The following LSM14A variants were observed in gnomAD, a reference collection of about 807,000 sequenced individuals.
LSM14A encodes the protein LSM14A mRNA processing body assembly factor, also known as protein LSM14 homolog A.
In LSM14A, 14 loss-of-function variants were observed where a neutral mutation model predicts 52.4. The ratio of observed to expected loss-of-function variants is 0.27; its 90% CI spans 0.18 to 0.42. LSM14A has a LOEUF of 0.42. LSM14A is among the 10% of genes least tolerant of loss of function. The pLI is 1.00. For missense variants in LSM14A, 417 were observed against 581.8 expected, an observed-to-expected ratio of 0.72 and a Z score of 2.91; for synonymous variants, 185 against 200.3, an observed-to-expected ratio of 0.92 and a Z score of 0.64.
At chr19:34,191,054 C>A (rs1429273408) in intron 1 of LSM14A, among the ~76,000 whole-genome samples, 1 of 152,122 alleles carries the variant, frequency 6.6e-6, no homozygotes, top group Admixed American at 6.5e-5. Context: ...CATCTTCTCT[C>A]TAACCTTTTT....
chr19:34,179,388 T>A (rs1215331904), intron 1 of LSM14A, among the ~76,000 whole-genome samples: 2 of 152,214 alleles, frequency 1.3e-5, no homozygotes, highest in African/African-American at 4.8e-5. Context: ...TTTATTTGAT[T>A]TCTTGCATTA....
At chr19:34,226,340 T>G in intron 9 of LSM14A, 5 of 1,432,812 alleles carry the variant, frequency 3.5e-6, no homozygotes, top group Non-Finnish European at 4.6e-6. Flanking sequence ...CCTTTCATTT[T>G]CTCCTTTCTC....
intron 1 of LSM14A, 119 bp downstream of exon 1, chr19:34,172,882 C>T: frequency 5.1e-6 from 6 of 1,183,394 alleles, no homozygotes; most frequent in Non-Finnish European, 6.8e-6. Flanking sequence ...CGGGAGGCCT[C>T]TCGCCTCCCT....
At chr19:34,192,301 A>G (rs188856741) in intron 1 of LSM14A, among the ~76,000 whole-genome samples, 197 of 122,730 alleles carry the variant, frequency 1.6e-3, no homozygotes, top group African/African-American at 5.8e-3. Flanking sequence ...TTTACACTGA[A>G]ATAACATTCT....
intron 1 of LSM14A, among the ~76,000 whole-genome samples, chr19:34,184,984 C>G (rs572801056): frequency 6.6e-6 from 1 of 152,156 alleles, no homozygotes; most frequent in Non-Finnish European, 1.5e-5. Flanking sequence ...AAGAGAGATC[C>G]TTTGTAAATG....
chr19:34,196,490 T>G (rs2070846528), intron 2 of LSM14A, 144 bp from the exon 3 acceptor site: 2 of 688,672 alleles, frequency 2.9e-6, no homozygotes, highest in Non-Finnish European at 4.3e-6. Flanking sequence ...TTGGCTATTT[T>G]AATATTAAGT....
chr19:34,221,629 G>A lies in LSM14A; in HGVS notation c.1259G>A (p.Gly420Asp). The A allele has an allele frequency of 1.2e-6, 2 of 1,614,148 alleles. No homozygotes were observed. Among genetic ancestry groups the A allele is most frequent in the East Asian group, 2.2e-5 (1 of 44,882 alleles). The change falls in exon 9 of 10, where the codon GGC (glycine) becomes GAC (aspartate). Residue 420 changes from glycine to aspartate, a missense_variant. This residue lies in a region of LSM14A where 357 missense variants were observed against 457.0 expected (regional missense o/e 0.78). Transcript: ENST00000544216. The stretch of plus-strand genomic sequence containing the variant: ...AGAGGAGGTCTTGGTTTCCGTGGTG[G>A]CAGAGGGCGTGGTGGTGGCAGAGGT... ...RGRGGLGFRGGRGRGGGRGGT... is the reference protein window; with the variant it reads ...RGRGGLGFRGDRGRGGGRGGT...
chr19:34,193,858 G>A lies in LSM14A; in HGVS notation c.122-620G>A, dbSNP rs141612525. Among the ~76,000 whole-genome samples the A allele has an allele frequency of 1.4e-4, 21 of 152,208 alleles. No individual in the cohort carries two copies. The East Asian group carries it at 3.3e-3, about 24-fold the overall frequency. On this transcript the variant is annotated intron_variant, in intron 1 of 9. Coordinates refer to ENST00000544216, the MANE Select transcript of LSM14A (RefSeq NM_015578.4). ...ATGGGTTGCTAATTTTTATTTTGTC[G>A]AATGAGGACATTAAAAATAAGTTAA...
At chr19:34,206,162 C>A (rs1269619198) in intron 3 of LSM14A, among the ~76,000 whole-genome samples, 1 of 152,202 alleles carries the variant, frequency 6.6e-6, no homozygotes, top group African/African-American at 2.4e-5. Flanking sequence ...TTTACTGTTA[C>A]ATTCTACCAA....
At position 34,219,216 on chromosome 19, in the gene LSM14A, A is replaced by C. The variant is rs985383794; in HGVS notation, c.782-175A>C. ...ATTCTCAGTCTACATATTAAATATT[A>C]GTGAAACTTAATTTTTTATTTTGTA... On this transcript the variant is annotated intron_variant, in intron 6 of 9. Coordinates refer to ENST00000544216, the MANE Select transcript of LSM14A (RefSeq NM_015578.4). 5.9e-5 allele frequency among the ~76,000 whole-genome samples: 9 copies of C among 152,236 alleles called. No individual in the cohort carries two copies. The South Asian group carries it at 6.2e-4, about 10-fold the overall frequency.
intron 3 of LSM14A, among the ~76,000 whole-genome samples, chr19:34,199,867 C>T (rs2071162823): frequency 6.6e-6 from 1 of 152,188 alleles, no homozygotes; most frequent in African/African-American, 2.4e-5. Context: ...CGAGGATTAT[C>T]ATTAGATGCT....
chr19:34,201,167 CAGTAG>C (rs2071258583), intron 3 of LSM14A, among the ~76,000 whole-genome samples: 1 of 152,030 alleles, frequency 6.6e-6, no homozygotes, highest in Admixed American at 6.6e-5. Flanking sequence ...TTTTCCATGT[CAGTAG>C]AGTAATTTTT....
intron 1 of LSM14A, among the ~76,000 whole-genome samples, chr19:34,191,457 C>G (rs2070380707): frequency 6.6e-6 from 1 of 152,044 alleles, no homozygotes. Flanking sequence ...TCTTTACTGC[C>G]TTTTTTCTTT....
chr19:34,199,671 C>T (rs187948323), intron 3 of LSM14A, among the ~76,000 whole-genome samples: 2 of 152,166 alleles, frequency 1.3e-5, no homozygotes, highest in African/African-American at 2.4e-5. Flanking sequence ...ATGGAAACCC[C>T]GTAGCAAGGG....
At chr19:34,192,319 G>GGTTTTTTTTTTTTTTTTT (rs2070450450) in intron 1 of LSM14A, among the ~76,000 whole-genome samples, 1 of 53,410 alleles carries the variant, frequency 1.9e-5, no homozygotes, top group African/African-American at 8.1e-5. Flanking sequence ...TCTTTTTGTT[G>GGTTTTTTTTTTTTTTTTT]TTTTTTTTTT....
intron 1 of LSM14A, among the ~76,000 whole-genome samples, chr19:34,189,226 T>A (rs73038627): frequency 0.038 from 5,830 of 152,316 alleles, 179 homozygotes; most frequent in Non-Finnish European, 0.06. Flanking sequence ...ATAGTAGTAG[T>A]ATGGCTTACT....
At chr19:34,191,279 G>A (rs376938527) in intron 1 of LSM14A, among the ~76,000 whole-genome samples, 45 of 151,502 alleles carry the variant, frequency 3.0e-4, no homozygotes, top group African/African-American at 1.0e-3. Flanking sequence ...TGTGAATGTC[G>A]AAGCAGTTGT....
chr19:34,181,954 C>A (rs190872807), intron 1 of LSM14A, among the ~76,000 whole-genome samples: 1 of 152,286 alleles, frequency 6.6e-6, no homozygotes, highest in Admixed American at 6.5e-5. Context: ...CAGCTCTATT[C>A]TAGTTGGTAA....
At chr19:34,173,816 C>T (rs1217936164) in intron 1 of LSM14A, among the ~76,000 whole-genome samples, 2 of 149,434 alleles carry the variant, frequency 1.3e-5, no homozygotes, top group Non-Finnish European at 2.9e-5. Context: ...TAGGTTAGGT[C>T]CAAGGATAAA....
Sources: gnomAD v4.1 joint callset for allele counts (sites outside exome capture counted in the v4.1 genomes callset) on GRCh38, gnomAD v4.1.1 for gene constraint, gnomAD v4.1.1 regional missense constraint, MANE v1.5 for transcripts, NCBI Gene and HGNC (gene_info 2026-07-23, HGNC 2026-07-21) for gene names.